Variants in ZFX observed in about 807,000 individuals in gnomAD.
ZFX encodes the protein zinc finger protein X-linked.
For synonymous variants in ZFX, 196 were observed against 226.8 expected, an observed-to-expected ratio of 0.86 and a Z score of 1.22; for missense variants, 362 against 628.3, an observed-to-expected ratio of 0.58 and a Z score of 4.53.
chrX:24,210,060 G>C (rs1170549254), intron 9 of ZFX, 133 bp from the exon 10 acceptor site: 3 of 823,993 alleles, frequency 3.6e-6, no homozygotes, highest in Admixed American at 3.3e-5. Context: ...ACAGTAAAAG[G>C]AATGTTAAGC....
At chrX:24,206,500 CGT>C (rs774457469) in intron 5 of ZFX, among the ~76,000 whole-genome samples, 15,434 of 59,210 alleles carry the variant, frequency 0.26, 1,926 homozygotes, top group Non-Finnish European at 0.32. Flanking sequence ...CCATGCCTGG[CGT>C]GTGTGTGTGT....
intron 8 of ZFX, 50 bp from the exon 9 acceptor site, chrX:24,208,850 T>C: frequency 1.8e-6 from 2 of 1,117,630 alleles, no homozygotes; most frequent in East Asian, 3.3e-5. Flanking sequence ...TTCCTAATTC[T>C]TTAAAATTTA....
rs368871707 is a variant in ZFX at position 24,212,548 on chromosome X, C to T, written c.*1172C>T. 2 of 112,267 alleles carry T rather than the reference C, an allele frequency of 1.8e-5. No homozygotes were observed. The highest frequency in any genetic ancestry group is 2.8e-4 in the East Asian group (1 of 3,584). 9.3% of individuals were successfully genotyped at this position (112,267 alleles called of 1,213,427 possible). On this transcript the variant is annotated 3_prime_UTR_variant, in exon 10 of 10. Coordinates refer to ENST00000304543, the MANE Select transcript of ZFX (RefSeq NM_003410.4). ...TAGGTAGAATGTTTTCATACAATTTCACCTCCATGTCTTTATGTTTTTCTG... is the reference window on the plus strand; with the variant it reads ...TAGGTAGAATGTTTTCATACAATTTTACCTCCATGTCTTTATGTTTTTCTG...
At chrX:24,180,992 G>A (rs1439955539) in intron 5 of ZFX, among the ~76,000 whole-genome samples, 1 of 112,315 alleles carries the variant, frequency 8.9e-6, no homozygotes, top group Non-Finnish European at 1.9e-5. Context: ...TTCTGACCCA[G>A]TGTGGAAATT....
At chrX:24,181,079 G>C (rs2147696109) in intron 5 of ZFX, among the ~76,000 whole-genome samples, 1 of 112,284 alleles carries the variant, frequency 8.9e-6, no homozygotes. Context: ...TATTTGCTTT[G>C]TTCGAATACC....
chrX:24,173,187 A>G (rs1337102652), intron 4 of ZFX, among the ~76,000 whole-genome samples: 1 of 112,175 alleles, frequency 8.9e-6, no homozygotes, highest in African/African-American at 3.2e-5. Flanking sequence ...TCTTCATCCT[A>G]GTGCCTACCA....
At chrX:24,190,736 A>T (rs1324610587) in intron 5 of ZFX, among the ~76,000 whole-genome samples, 1 of 112,245 alleles carries the variant, frequency 8.9e-6, no homozygotes, top group African/African-American at 3.2e-5. Flanking sequence ...CTCCTTGCCT[A>T]TCTTAGAGAA....
intron 5 of ZFX, among the ~76,000 whole-genome samples, chrX:24,190,571 C>T (rs765259037): frequency 4.5e-5 from 5 of 112,204 alleles, no homozygotes; most frequent in African/African-American, 9.7e-5. Flanking sequence ...GCAATTGGAG[C>T]TTCAGACTGG....
chrX:24,172,605 A>C (rs971890543), intron 3 of ZFX, 110 bp from the exon 4 acceptor site: 11 of 528,421 alleles, frequency 2.1e-5, no homozygotes, highest in Non-Finnish European at 2.8e-5. Flanking sequence ...TTTGATACAC[A>C]TTTATCTTTC....
Position 24,179,480 on chromosome X carries a change from C to T in ZFX, c.356C>T (p.Ala119Val). ...TGCACAGTCCCAGATGATGTTTTAG[C>T]TTCTGACATTACTTCAGCCTCAATG... is the stretch of plus-strand genomic sequence containing the variant. ...AHCTVPDDVL[A>V]SDITSASMSM... Residue 119 changes from alanine to valine, a missense_variant, in exon 5 of 10, where the codon GCT (alanine) becomes GTT (valine). Ala to Val is a moderately conservative substitution (Grantham distance 64). Coordinates refer to ENST00000304543, the MANE Select transcript of ZFX (RefSeq NM_003410.4). 1.6e-6 allele frequency: 2 copies of T among 1,212,205 alleles called. No homozygotes were observed. Among genetic ancestry groups the T allele is most frequent in the Non-Finnish European group, 2.2e-6 (2 of 895,652 alleles).
intron 9 of ZFX, among the ~76,000 whole-genome samples, chrX:24,209,860 C>T (rs1937939107): frequency 8.9e-6 from 1 of 111,859 alleles, no homozygotes; most frequent in Non-Finnish European, 1.9e-5. Context: ...GGATTACAGG[C>T]GTGAGCCACC....
chrX:24,149,217 CG>C (rs1366664864), upstream of ZFX: 1 of 109,822 alleles, frequency 9.1e-6, no homozygotes, highest in Non-Finnish European at 1.9e-5. Context: ...GCAAACAACT[CG>C]AGCTGGAGCC....
chrX:24,215,414 T>C lies in ZFX; in HGVS notation c.*4038T>C, dbSNP rs1938399863. On this transcript the variant is annotated 3_prime_UTR_variant, in exon 10 of 10. Coordinates refer to ENST00000304543, the MANE Select transcript of ZFX (RefSeq NM_003410.4). ...GCAGCATCTTAATCTCCTGGGACTTTGTTAAAAATGCAAATTCTCAGCCCC... is the reference window on the plus strand; with the variant it reads ...GCAGCATCTTAATCTCCTGGGACTTCGTTAAAAATGCAAATTCTCAGCCCC... 8.9e-6 allele frequency: 1 copy of C among 111,795 alleles called. No individual in the cohort carries two copies. The highest frequency in any genetic ancestry group is 2.8e-4 in the East Asian group (1 of 3,576). 9.2% of individuals were successfully genotyped at this position (111,795 alleles called of 1,213,427 possible). A position where few individuals can be genotyped will look rare whatever the true frequency, so the allele number is the denominator to read the frequency against.
At chrX:24,183,434 G>T (rs1043145982) in intron 5 of ZFX, among the ~76,000 whole-genome samples, 6 of 111,433 alleles carry the variant, frequency 5.4e-5, no homozygotes, top group Admixed American at 9.6e-5. Flanking sequence ...GATCCCACCC[G>T]CCTCGGCCTC....
chrX:24,166,985 T>C (rs182406512), intron 3 of ZFX, among the ~76,000 whole-genome samples: 32 of 112,064 alleles, frequency 2.9e-4, no homozygotes, highest in Non-Finnish European at 5.5e-4. Flanking sequence ...GAACAAGCCA[T>C]GAGTACAGCC....
chrX:24,189,644 A>G (rs1936404683), intron 5 of ZFX, among the ~76,000 whole-genome samples: 1 of 111,832 alleles, frequency 8.9e-6, no homozygotes, highest in Non-Finnish European at 1.9e-5. Context: ...CTTTCATTCC[A>G]TGGGCTAATT....
chrX:24,160,298 CTTT>C (rs397966885), intron 3 of ZFX, among the ~76,000 whole-genome samples: 2 of 84,146 alleles, frequency 2.4e-5, no homozygotes, highest in Non-Finnish European at 2.3e-5. Context: ...AATTGAAATG[CTTT>C]TTTTTTTTTT....
At chrX:24,153,375 A>G (rs1207729059) in intron 3 of ZFX, among the ~76,000 whole-genome samples, 1 of 111,252 alleles carries the variant, frequency 9.0e-6, no homozygotes, top group Non-Finnish European at 1.9e-5. Flanking sequence ...GGGAGGTTGC[A>G]GGAGGGATTG....
intron 5 of ZFX, among the ~76,000 whole-genome samples, chrX:24,199,938 T>C (rs1937182305): frequency 1.8e-5 from 2 of 109,817 alleles, no homozygotes; most frequent in African/African-American, 3.3e-5. Context: ...AAAAAGTTTT[T>C]GCTCGTTTTA....
Sources: allele counts gnomAD v4.1 joint callset (sites outside exome capture counted in the v4.1 genomes callset), GRCh38; gene constraint gnomAD v4.1.1; transcripts MANE v1.5; gene names NCBI Gene and HGNC (gene_info 2026-07-23, HGNC 2026-07-21).